The following CACNA2D1 variants were observed in gnomAD, a reference collection of about 807,000 sequenced individuals.
CACNA2D1 encodes the protein voltage-dependent calcium channel subunit alpha-2/delta-1.
A neutral mutation model predicts 171.5 loss-of-function variants in CACNA2D1; 53 were observed. The observed-to-expected ratio is 0.31, with a 90% CI of 0.25 to 0.39. The LOEUF is 0.39. CACNA2D1 is among the 10% of genes least tolerant of loss of function. The pLI is 1.00. For missense variants in CACNA2D1, 903 were observed against 1,299.8 expected (o/e 0.69, Z 4.69); for synonymous variants, 442 against 443.1 (o/e 1.00, Z 0.03).
At chr7:82,074,802 A>G (rs1808758413) in intron 7 of CACNA2D1, among the ~76,000 whole-genome samples, 2 of 152,094 alleles carry the variant, frequency 1.3e-5, no homozygotes, top group African/African-American at 4.8e-5. Flanking sequence ...CTCGGTATTT[A>G]GGATATTCAG....
intron 5 of CACNA2D1, among the ~76,000 whole-genome samples, chr7:82,118,148 T>G (rs1789295667): frequency 6.6e-6 from 1 of 152,124 alleles, no homozygotes; most frequent in Non-Finnish European, 1.5e-5. Flanking sequence ...CAATCAATAA[T>G]GATTCAAGAA....
chr7:82,148,713 G>A (rs1793441726), intron 4 of CACNA2D1, among the ~76,000 whole-genome samples: 1 of 152,062 alleles, frequency 6.6e-6, no homozygotes, highest in African/African-American at 2.4e-5. Context: ...TCTCGGCTCA[G>A]TGCAACCTCC....
At chr7:81,975,333 A>G (rs1795728620) in intron 24 of CACNA2D1, among the ~76,000 whole-genome samples, 1 of 152,168 alleles carries the variant, frequency 6.6e-6, no homozygotes, top group African/African-American at 2.4e-5. Context: ...AAATATTACC[A>G]TTATTTTAAA....
intron 1 of CACNA2D1, among the ~76,000 whole-genome samples, chr7:82,421,776 T>G (rs1563530423): frequency 6.6e-6 from 1 of 152,128 alleles, no homozygotes; most frequent in Non-Finnish European, 1.5e-5. Flanking sequence ...ACCATCTCAT[T>G]GCAAATGAGG....
At position 82,014,859 on chromosome 7, in the gene CACNA2D1, T is replaced by C. The variant is rs1800242042; in HGVS notation, c.1144-380A>G. 2.0e-5 allele frequency among the ~76,000 whole-genome samples: 3 copies of C among 150,372 alleles called. No individual in the cohort carries two copies. The South Asian group carries it at 6.5e-4, about 33-fold the overall frequency. On this transcript the variant is annotated intron_variant, in intron 12 of 38. Transcript: ENST00000356860. Reference sequence around the variant, plus strand: ...ACCTGAGGTCAGGAGTTCGAGACCATCCTGGCTAACATGGTGAAACCCCGT... The same window carrying C: ...ACCTGAGGTCAGGAGTTCGAGACCACCCTGGCTAACATGGTGAAACCCCGT...
At chr7:82,016,553 A>G (rs1286668187) in intron 12 of CACNA2D1, among the ~76,000 whole-genome samples, 1 of 151,374 alleles carries the variant, frequency 6.6e-6, no homozygotes, top group African/African-American at 2.4e-5. Context: ...AGATCCACAC[A>G]TATGATTATT....
At chr7:81,982,686 TATAACA>T in intron 23 of CACNA2D1, 59 bp from the exon 24 acceptor site, 1 of 1,030,904 alleles carries the variant, frequency 9.7e-7, no homozygotes, top group Non-Finnish European at 1.5e-6. Context: ...CCAGAGATTC[TATAACA>T]ATAAGAAGGC....
intron 3 of CACNA2D1, among the ~76,000 whole-genome samples, chr7:82,235,951 T>A (rs1803536896): frequency 1.3e-5 from 2 of 152,122 alleles, no homozygotes; most frequent in Non-Finnish European, 2.9e-5. Flanking sequence ...AATGTACTCA[T>A]CACCTGCTCT....
chr7:82,037,054 C>T (rs768361228), intron 11 of CACNA2D1, among the ~76,000 whole-genome samples: 2 of 152,244 alleles, frequency 1.3e-5, no homozygotes, highest in Non-Finnish European at 1.5e-5. Flanking sequence ...AAGTAAGGTT[C>T]CTACTCTCAA....
chr7:82,276,434 C>T (rs1350784333), intron 3 of CACNA2D1, among the ~76,000 whole-genome samples: 1 of 152,090 alleles, frequency 6.6e-6, no homozygotes, highest in South Asian at 2.1e-4. Flanking sequence ...CCACCCTGGC[C>T]GTGGCAGCAA....
intron 6 of CACNA2D1, among the ~76,000 whole-genome samples, chr7:82,091,083 A>T (rs1464304582): frequency 6.6e-6 from 1 of 152,142 alleles, no homozygotes; most frequent in East Asian, 1.9e-4. Flanking sequence ...GTGCACAGGG[A>T]AAAAAAGAAT....
intron 1 of CACNA2D1, among the ~76,000 whole-genome samples, chr7:82,401,650 T>C (rs368298996): frequency 6.6e-6 from 1 of 151,804 alleles, no homozygotes; most frequent in African/African-American, 2.4e-5. Flanking sequence ...GGCACATGTA[T>C]ACATATGTAA....
intron 3 of CACNA2D1, among the ~76,000 whole-genome samples, chr7:82,218,084 AC>A (rs909257700): frequency 1.3e-5 from 2 of 151,730 alleles, no homozygotes; most frequent in Non-Finnish European, 2.9e-5. Flanking sequence ...ACAGGCACCC[AC>A]CACCACGCCC....
intron 7 of CACNA2D1, among the ~76,000 whole-genome samples, chr7:82,073,944 A>G (rs1238813296): frequency 1.3e-5 from 2 of 152,170 alleles, no homozygotes; most frequent in Non-Finnish European, 2.9e-5. Context: ...ACAACCAGAG[A>G]TGGGCTCTAG....
chr7:82,194,211 G>GTTACCAA (rs1250660667), intron 3 of CACNA2D1, among the ~76,000 whole-genome samples: 2 of 151,994 alleles, frequency 1.3e-5, no homozygotes, highest in African/African-American at 4.8e-5. Flanking sequence ...GTAGGGCTGG[G>GTTACCAA]TTATCAATTA....
chr7:81,969,021 A>G (rs200978885), intron 28 of CACNA2D1, 48 bp from the exon 29 acceptor site: 2 of 1,041,804 alleles, frequency 1.9e-6, no homozygotes, highest in African/African-American at 1.6e-5. Flanking sequence ...TATATTGAAT[A>G]ATAATATTGA....
intron 1 of CACNA2D1, among the ~76,000 whole-genome samples, chr7:82,402,508 C>T (rs753521728): frequency 4.6e-5 from 7 of 151,648 alleles, no homozygotes; most frequent in Non-Finnish European, 7.4e-5. Context: ...ATCAGGAGAT[C>T]GAGACCATCC....
intron 1 of CACNA2D1, among the ~76,000 whole-genome samples, chr7:82,356,664 A>T (rs182264416): frequency 0.022 from 3,320 of 151,692 alleles, 126 homozygotes; most frequent in African/African-American, 0.072. Flanking sequence ...CCATTTTTTT[A>T]AAAAAAATAG....
intron 7 of CACNA2D1, among the ~76,000 whole-genome samples, chr7:82,084,103 G>A (rs1191087117): frequency 6.6e-6 from 1 of 151,988 alleles, no homozygotes; most frequent in African/African-American, 2.4e-5. Context: ...TTTTCAATAG[G>A]TTTTCAGGAT....
Sources: gnomAD v4.1 joint callset for allele counts (sites outside exome capture counted in the v4.1 genomes callset) on GRCh38, gnomAD v4.1.1 for gene constraint, MANE v1.5 for transcripts, NCBI Gene and HGNC (gene_info 2026-07-23, HGNC 2026-07-21) for gene names.